The following BRD4 variants were observed in gnomAD, a reference collection of about 807,000 sequenced individuals.
BRD4 encodes bromodomain containing 4, also known as bromodomain-containing protein 4.
Under a neutral mutation model 142.1 loss-of-function variants are expected in BRD4, and 16 were observed. The observed-to-expected ratio is 0.11, with a 90% confidence interval of 0.08 to 0.17. The LOEUF (loss-of-function observed/expected upper bound fraction) is 0.17, where lower values mean the gene tolerates loss of function less well. Ranked by LOEUF, BRD4 falls within the 10% of genes least tolerant of loss-of-function variation. The pLI is 1.00. For missense variants in BRD4, 1,424 were observed against 1,810.9 expected (o/e 0.79, Z 3.88); for synonymous variants, 833 against 707.5 (o/e 1.18, Z -2.82).
intron 1 of BRD4, chr19:15,275,537 G>T (rs2047637087): frequency 6.6e-6 from 1 of 152,220 alleles, no homozygotes; most frequent in Non-Finnish European, 1.5e-5. Flanking sequence ...GTCCAACACA[G>T]ATGGTCGTGA....
chr19:15,264,289 C>T (rs548825895), intron 6 of BRD4, 115 bp downstream of exon 6: 10 of 1,413,364 alleles, frequency 7.1e-6, no homozygotes, highest in Admixed American at 2.3e-5. Context: ...GAAAAATCCA[C>T]GCAGCCACCG....
rs150583855 is a variant in BRD4 at position 15,256,097 on chromosome 19, G to C, written c.1718C>G (p.Thr573Arg). 6.2e-7 allele frequency: 1 copy of C among 1,611,744 alleles called. No homozygotes were observed. The highest frequency in any genetic ancestry group is 8.5e-7 in the Non-Finnish European group (1 of 1,179,812). Residue 573 changes from threonine (T) to arginine (R), a missense_variant, in exon 9 of 20, where the codon ACG (threonine) becomes AGG (arginine). Coordinates refer to ENST00000679869, the MANE Select transcript of BRD4 (RefSeq NM_001379291.1). Reference protein sequence around the residue: ...SKAKEPPPKKTKKNNSSNSNV... With the variant: ...SKAKEPPPKKRKKNNSSNSNV... ...GCTGTTGCTGCTATTATTTTTCTTCGTCTTTTTAGGAGGAGGTTCCTTGGC... is the reference window on the plus strand; with the variant it reads ...GCTGTTGCTGCTATTATTTTTCTTCCTCTTTTTAGGAGGAGGTTCCTTGGC...
chr19:15,306,121 C>G (rs546712518), intron 1 of BRD4, among the ~76,000 whole-genome samples: 3 of 152,246 alleles, frequency 2.0e-5, no homozygotes, highest in Non-Finnish European at 4.4e-5. Flanking sequence ...ACAACTTTCT[C>G]CATGTCAGCA....
At chr19:15,245,245 G>A (rs2047275275) in intron 11 of BRD4, among the ~76,000 whole-genome samples, 1 of 152,100 alleles carries the variant, frequency 6.6e-6, no homozygotes, top group Admixed American at 6.5e-5. Context: ...CAGCTTCTCG[G>A]GGGCCTCCAA....
rs1312441434 is a variant in BRD4, at chr19:15,237,229, A to C, written c.*1148T>G. The stretch of plus-strand genomic sequence containing the variant: ...AACAGATCTGACATTAAAAAACAAA[A>C]AAGCCAACAAATGGGTGGGGGGGGG... On this transcript the variant is annotated 3_prime_UTR_variant, in exon 20 of 20. Transcript: ENST00000679869. 1.0e-5 allele frequency: 1 copy of C among 100,368 alleles called. No individual in the cohort carries two copies. Among genetic ancestry groups the C allele is most frequent in the Non-Finnish European group, 1.8e-5 (1 of 55,354 alleles). The allele number at this position is 100,368 out of a possible 1,614,324, so 6.2% of individuals were successfully genotyped here.
rs138298046 is a variant in BRD4, at chr19:15,244,589, G to A, written c.2223C>T (p.His741=). 71 of 1,611,022 alleles carry A rather than the reference G, an allele frequency of 4.4e-5. No homozygotes were observed. Among genetic ancestry groups the A allele is most frequent in the Non-Finnish European group, 5.8e-5 (69 of 1,179,846 alleles). ...PGREQKKHHH[H]HHQQMQQAPA... ...GGGCCTGCTGCATCTGCTGATGGTG[G>A]TGATGATGGTGCTGCAGACAGAGAG... The change falls in exon 13 of 20, where the codon CAC becomes CAT. Residue 741 remains histidine (H), a synonymous_variant. Transcript: ENST00000679869.
Position 15,257,043 on chromosome 19 carries a change from T to C in BRD4, c.1472A>G (p.Asp491Gly), listed in dbSNP as rs770979204. Reference protein sequence around the residue: ...APPSSSDSSSDSSSDSDSSTD... With the variant: ...APPSSSDSSSGSSSDSDSSTD... Reference sequence around the variant, plus strand: ...CGAACTGTCACTGTCCGAGGAGCTATCGCTGCTGCTGTCGCTGGATGAGGG... The same window carrying C: ...CGAACTGTCACTGTCCGAGGAGCTACCGCTGCTGCTGTCGCTGGATGAGGG... The change falls in exon 8 of 20, where the codon GAT becomes GGT. Residue 491 changes from aspartate to glycine, a missense_variant. Coordinates refer to ENST00000679869, the MANE Select transcript of BRD4 (RefSeq NM_001379291.1). 6.3e-7 allele frequency: 1 copy of C among 1,599,846 alleles called. No homozygotes were observed. Among genetic ancestry groups the C allele is most frequent in the South Asian group, 1.1e-5 (1 of 88,214 alleles).
chr19:15,300,697 G>T (rs995586138), intron 1 of BRD4, among the ~76,000 whole-genome samples: 2 of 150,790 alleles, frequency 1.3e-5, no homozygotes, highest in African/African-American at 4.9e-5. Flanking sequence ...CACTAGTCAT[G>T]AAGAAATACA....
At chr19:15,256,523 G>A (rs1599452345) in intron 8 of BRD4, among the ~76,000 whole-genome samples, 1 of 152,200 alleles carries the variant, frequency 6.6e-6, no homozygotes, top group Non-Finnish European at 1.5e-5. Context: ...TGATCAAGCC[G>A]ACAGACACCA....
chr19:15,327,172 C>T (rs1422167840), intron 1 of BRD4, among the ~76,000 whole-genome samples: 10 of 152,096 alleles, frequency 6.6e-5, no homozygotes, highest in Admixed American at 6.6e-4. Flanking sequence ...CGCTGTGCAC[C>T]CTCAAAAACT....
chr19:15,251,053 G>A (rs2047338320), intron 11 of BRD4, among the ~76,000 whole-genome samples: 3 of 152,216 alleles, frequency 2.0e-5, no homozygotes, highest in South Asian at 2.1e-4. Flanking sequence ...GCTGGAATCA[G>A]AGGAAGTGGT....
chr19:15,257,533 C>G (rs2047425065), intron 7 of BRD4, among the ~76,000 whole-genome samples: 1 of 152,148 alleles, frequency 6.6e-6, no homozygotes, highest in Non-Finnish European at 1.5e-5. Flanking sequence ...AACCCCAAAA[C>G]AGTTAGCCGA....
chr19:15,283,751 T>C (rs1220362007), intron 1 of BRD4, among the ~76,000 whole-genome samples: 1 of 151,948 alleles, frequency 6.6e-6, no homozygotes, highest in East Asian at 1.9e-4. Context: ...TAAGCAAGAG[T>C]GTATCACGCC....
At chr19:15,261,064 G>A (rs2047465082) in intron 7 of BRD4, among the ~76,000 whole-genome samples, 3 of 152,250 alleles carry the variant, frequency 2.0e-5, no homozygotes, top group Admixed American at 6.5e-5. Context: ...ATCAATGTGA[G>A]CAGTGTGGGC....
intron 11 of BRD4, chr19:15,247,662 G>A (rs914431486): frequency 5.2e-5 from 12 of 233,008 alleles, no homozygotes; most frequent in African/African-American, 2.0e-4. Context: ...GAAAGACAAT[G>A]CCAGCAGCTC....
chr19:15,322,880 A>AAAAAG (rs1555747944), intron 1 of BRD4, among the ~76,000 whole-genome samples: 8 of 147,702 alleles, frequency 5.4e-5, no homozygotes, highest in Non-Finnish European at 1.2e-4. Context: ...AAAAAAAAAA[A>AAAAAG]AAAAGAAAAG....
chr19:15,320,924 T>C (rs1390111426), intron 1 of BRD4, among the ~76,000 whole-genome samples: 2 of 152,176 alleles, frequency 1.3e-5, no homozygotes, highest in Non-Finnish European at 2.9e-5. Flanking sequence ...AGTTCGGGGG[T>C]ACATTTTACT....
chr19:15,243,909 G>A (rs572599626), intron 13 of BRD4, among the ~76,000 whole-genome samples: 5 of 152,334 alleles, frequency 3.3e-5, no homozygotes, highest in African/African-American at 1.2e-4. Flanking sequence ...AAAAGCTGCA[G>A]AGGGGTCCCA....
Position 15,237,763 on chromosome 19 carries a change from G to A in BRD4, c.*614C>T, listed in dbSNP as rs908793111. On this transcript the variant is annotated 3_prime_UTR_variant, in exon 20 of 20. Transcript: ENST00000679869. ...ATGCCATGGACACACACACCTCCAC[G>A]GCACTATTCCCTTTTGCACAAGCAA... 1.7e-5 allele frequency: 4 copies of A among 232,606 alleles called. No individual in the cohort carries two copies. The highest frequency in any genetic ancestry group is 6.0e-5 in the East Asian group (1 of 16,538). 14.4% of individuals were successfully genotyped at this position (232,606 alleles called of 1,614,324 possible).
Sources: allele counts gnomAD v4.1 joint callset (sites outside exome capture counted in the v4.1 genomes callset), GRCh38; gene constraint gnomAD v4.1.1; transcripts MANE v1.5; gene names NCBI Gene and HGNC (gene_info 2026-07-23, HGNC 2026-07-21).